The following FOXP2 variants were observed in gnomAD, a reference collection of about 807,000 sequenced individuals.
FOXP2 encodes the protein forkhead box protein P2.
FOXP2 carries 12 observed loss-of-function variants against 115.8 expected under a neutral mutation model. The ratio of observed to expected loss-of-function variants is 0.10; its 90% CI spans 0.07 to 0.17. The LOEUF (loss-of-function observed/expected upper bound fraction) is 0.17. Among genes scored for constraint, FOXP2 ranks in the 10% least tolerant of loss-of-function variants. The pLI, the probability that FOXP2 is intolerant of heterozygous loss-of-function variation, is 1.00. For missense variants in FOXP2, 629 were observed against 843.5 expected (o/e 0.75, Z 3.15); for synonymous variants, 328 against 297.7 (o/e 1.10, Z -1.05).
intron 3 of FOXP2, among the ~76,000 whole-genome samples, chr7:114,553,705 A>T (rs1800320383): frequency 6.6e-6 from 1 of 152,168 alleles, no homozygotes; most frequent in South Asian, 2.1e-4. Flanking sequence ...GATAGCTCTG[A>T]GTATGTGTTT....
intron 2 of FOXP2, among the ~76,000 whole-genome samples, chr7:114,512,826 G>A (rs902393505): frequency 6.6e-6 from 1 of 152,122 alleles, no homozygotes; most frequent in African/African-American, 2.4e-5. Context: ...ACTCACACCT[G>A]TAATCCCAGC....
chr7:114,338,382 A>C (rs1356243551), intron 2 of FOXP2, among the ~76,000 whole-genome samples: 1 of 150,982 alleles, frequency 6.6e-6, no homozygotes, highest in Admixed American at 6.6e-5. Context: ...ACAAAATTTA[A>C]TGTTGAAAGT....
At chr7:114,287,474 C>A (rs114108048) in intron 1 of FOXP2, among the ~76,000 whole-genome samples, 1 of 151,718 alleles carries the variant, frequency 6.6e-6, no homozygotes, top group Admixed American at 6.6e-5. Context: ...AACTAGAAAA[C>A]GAGAGTAGTT....
Position 114,548,477 on chromosome 7 carries a change from A to C in FOXP2, c.258+13771A>C, listed in dbSNP as rs138704247. 3.8e-3 allele frequency among the ~76,000 whole-genome samples: 572 copies of C among 152,314 alleles called. 8 individuals are homozygous for C. Among genetic ancestry groups the C allele is most frequent in the African/African-American group, 0.013 (546 of 41,570 alleles). On this transcript the variant is annotated intron_variant, in intron 3 of 16. Coordinates refer to ENST00000350908, the MANE Select transcript of FOXP2 (RefSeq NM_014491.4). ...TTACCAAATATATTAGTACTGACTC[A>C]TGGGACCCTAGGGATATGTGAAAAG...
chr7:114,599,015 T>C (rs1245554621), intron 3 of FOXP2, among the ~76,000 whole-genome samples: 1 of 152,140 alleles, frequency 6.6e-6, no homozygotes. Flanking sequence ...CACAGCCACG[T>C]TTATTCATGA....
chr7:114,151,273 A>T (rs977831351), intron 1 of FOXP2, among the ~76,000 whole-genome samples: 5 of 152,054 alleles, frequency 3.3e-5, no homozygotes, highest in African/African-American at 4.8e-5. Flanking sequence ...CAAAATTTTA[A>T]TCTTCCTGGA....
chr7:114,636,615 T>G (rs892634599), intron 6 of FOXP2, among the ~76,000 whole-genome samples: 1 of 128,940 alleles, frequency 7.8e-6, no homozygotes, highest in Non-Finnish European at 1.7e-5. Flanking sequence ...GAAATGACAT[T>G]GAAAAAATCT....
At chr7:114,387,698 G>A (rs778189518) in intron 2 of FOXP2, among the ~76,000 whole-genome samples, 2 of 152,146 alleles carry the variant, frequency 1.3e-5, no homozygotes, top group East Asian at 3.9e-4. Context: ...TAGAATTTAT[G>A]AAAATATTCA....
chr7:114,526,377 C>A (rs1423094356), intron 2 of FOXP2, among the ~76,000 whole-genome samples: 1 of 145,802 alleles, frequency 6.9e-6, no homozygotes, highest in African/African-American at 2.5e-5. Context: ...CTCGGGAGGC[C>A]GAGGCAGGAG....
chr7:114,511,383 A>G (rs1028269040), intron 2 of FOXP2, among the ~76,000 whole-genome samples: 2 of 152,162 alleles, frequency 1.3e-5, no homozygotes, highest in African/African-American at 4.8e-5. Flanking sequence ...ATCTACTGAC[A>G]TTTCTCGATA....
intron 3 of FOXP2, among the ~76,000 whole-genome samples, chr7:114,551,300 G>T (rs1194971066): frequency 6.6e-6 from 1 of 152,142 alleles, no homozygotes; most frequent in Admixed American, 6.5e-5. Context: ...ATTCAAAGAT[G>T]TTCCTATCCT....
chr7:114,341,994 C>T (rs141234646), intron 2 of FOXP2, among the ~76,000 whole-genome samples: 1 of 151,272 alleles, frequency 6.6e-6, no homozygotes, highest in Non-Finnish European at 1.5e-5. Flanking sequence ...CTTCTTTATG[C>T]CTCATTTTGC....
intron 2 of FOXP2, among the ~76,000 whole-genome samples, chr7:114,442,452 A>G (rs1374140750): frequency 2.0e-5 from 3 of 151,948 alleles, no homozygotes; most frequent in Non-Finnish European, 4.4e-5. Flanking sequence ...TACATTGAAA[A>G]TGGGTGAATT....
rs1457713342 is a variant in FOXP2 at position 114,693,157 on chromosome 7, A to G, written c.*3231A>G. The G allele has an allele frequency of 2.2e-6, 1 of 453,778 alleles. No individual in the cohort carries two copies. The highest frequency in any genetic ancestry group is 4.4e-6 in the Non-Finnish European group (1 of 226,620). The allele number at this position is 453,778 out of a possible 1,614,324, so 28.1% of individuals were successfully genotyped here. On this transcript the variant is annotated 3_prime_UTR_variant, in exon 17 of 17. Coordinates refer to ENST00000350908, the MANE Select transcript of FOXP2 (RefSeq NM_014491.4). ...AGTTGTACTATTTGAAAATCAATTA[A>G]AATTTTATGTGAATGTTACAAGTAT...
rs899842314 is a variant in FOXP2 at position 114,639,218 on chromosome 7, A to G, written c.776-3192A>G. 7.9e-5 allele frequency among the ~76,000 whole-genome samples: 12 copies of G among 152,212 alleles called. No homozygotes were observed. The East Asian group carries it at 2.3e-3, about 29-fold the overall frequency. Reference sequence around the variant, plus strand: ...ATGTTAGAAGCAACTAGTGCCATATATAATTCTTTAGACACTGGTCTTGTA... The same window carrying G: ...ATGTTAGAAGCAACTAGTGCCATATGTAATTCTTTAGACACTGGTCTTGTA... On this transcript the variant is annotated intron_variant, in intron 6 of 16. Coordinates refer to ENST00000350908, the MANE Select transcript of FOXP2 (RefSeq NM_014491.4).
At chr7:114,504,127 T>G (rs1171563819) in intron 2 of FOXP2, among the ~76,000 whole-genome samples, 1 of 151,698 alleles carries the variant, frequency 6.6e-6, no homozygotes, top group African/African-American at 2.4e-5. Context: ...CAGGTTAATT[T>G]AAAAGTAACA....
At chr7:114,572,434 G>T (rs1454833737) in intron 3 of FOXP2, among the ~76,000 whole-genome samples, 4 of 151,608 alleles carry the variant, frequency 2.6e-5, no homozygotes, top group African/African-American at 9.7e-5. Flanking sequence ...GGTAAGTTTT[G>T]CTGATATGAT....
At chr7:114,412,667 T>C (rs963141251), upstream of FOXP2, among the ~76,000 whole-genome samples, 4 of 152,174 alleles carry the variant, frequency 2.6e-5, no homozygotes, top group East Asian at 7.7e-4. Flanking sequence ...TGCAGCTTTG[T>C]GCGGGAGGCA....
intron 1 of FOXP2, among the ~76,000 whole-genome samples, chr7:114,095,058 A>G (rs1316848539): frequency 6.6e-6 from 1 of 152,198 alleles, no homozygotes; most frequent in Non-Finnish European, 1.5e-5. Context: ...TATAAGACTG[A>G]GAATGAAGAT....
Sources: gnomAD v4.1 joint callset for allele counts (sites outside exome capture counted in the v4.1 genomes callset) on GRCh38, gnomAD v4.1.1 for gene constraint, MANE v1.5 for transcripts, NCBI Gene and HGNC (gene_info 2026-07-23, HGNC 2026-07-21) for gene names.